PDE1C: variants seen among roughly 807,000 people sequenced by gnomAD.
PDE1C encodes the protein dual specificity calcium/calmodulin-dependent 3',5'-cyclic nucleotide phosphodiesterase 1C.
In PDE1C, 62 loss-of-function variants were observed where a neutral mutation model predicts 93.1. That is an observed-to-expected ratio of 0.67 (90% confidence interval 0.54 to 0.82). The LOEUF is 0.82. Among genes scored for constraint, PDE1C ranks in the 40% least tolerant of loss-of-function variants. The pLI is 0.00. For missense variants in PDE1C, 742 were observed against 884.6 expected (o/e 0.84, Z 2.04); for synonymous variants, 325 against 310.1 (o/e 1.05, Z -0.50).
chr7:31,942,118 A>G (rs1805936737), intron 2 of PDE1C, among the ~76,000 whole-genome samples: 1 of 152,202 alleles, frequency 6.6e-6, no homozygotes, highest in African/African-American at 2.4e-5. Context: ...CTCTAAAGAC[A>G]GTCACTAAAT....
chr7:32,404,077 G>T (rs1479677528), intron 1 of PDE1C, among the ~76,000 whole-genome samples: 2 of 152,160 alleles, frequency 1.3e-5, no homozygotes, highest in African/African-American at 4.8e-5. Context: ...GAAGTGAACT[G>T]CTGGGTCTGA....
chr7:32,267,843 T>C (rs562402661), intron 1 of PDE1C, among the ~76,000 whole-genome samples: 1 of 152,280 alleles, frequency 6.6e-6, no homozygotes, highest in African/African-American at 2.4e-5. Context: ...CCATGGAGCA[T>C]ACAGGCACTT....
the PDE1C span, among the ~76,000 whole-genome samples, chr7:31,671,953 G>A: frequency 6.6e-6 from 1 of 152,168 alleles, no homozygotes; most frequent in East Asian, 1.9e-4. Context: ...TGATGGAAAT[G>A]TCCCTTCTGG....
intron 3 of PDE1C, among the ~76,000 whole-genome samples, chr7:32,153,594 C>T (rs575404127): frequency 1.3e-5 from 2 of 152,288 alleles, no homozygotes; most frequent in East Asian, 1.9e-4. Flanking sequence ...TGGTCCCACC[C>T]AGCGAGGCTG....
At chr7:31,730,666 A>G in the PDE1C span, among the ~76,000 whole-genome samples, 1 of 152,198 alleles carries the variant, frequency 6.6e-6, no homozygotes, top group Non-Finnish European at 1.5e-5. Flanking sequence ...GCAGATATAG[A>G]GGTTGAGTCG....
At chr7:32,195,426 T>A (rs992967071) in intron 2 of PDE1C, among the ~76,000 whole-genome samples, 1 of 152,246 alleles carries the variant, frequency 6.6e-6, no homozygotes, top group Non-Finnish European at 1.5e-5. Flanking sequence ...TTCTACCCTT[T>A]TAGCACTTGA....
At chr7:31,970,699 A>T (rs952835757) in intron 2 of PDE1C, among the ~76,000 whole-genome samples, 2 of 152,250 alleles carry the variant, frequency 1.3e-5, no homozygotes, top group Admixed American at 1.3e-4. Flanking sequence ...CAACATGTAG[A>T]TCAAACTGAT....
chr7:31,944,568 T>C (rs992093527), intron 2 of PDE1C, among the ~76,000 whole-genome samples: 2 of 152,194 alleles, frequency 1.3e-5, no homozygotes, highest in East Asian at 3.9e-4. Flanking sequence ...GGGTGTTCTG[T>C]TCCCACATGG....
chr7:31,791,127 A>G (rs1784553734), intron 16 of PDE1C, among the ~76,000 whole-genome samples: 1 of 152,158 alleles, frequency 6.6e-6, no homozygotes, highest in Non-Finnish European at 1.5e-5. Flanking sequence ...TTAAAGACTA[A>G]GATACTCTCC....
At chr7:32,290,117 G>C (rs1812241991) in intron 1 of PDE1C, among the ~76,000 whole-genome samples, 1 of 152,102 alleles carries the variant, frequency 6.6e-6, no homozygotes, top group Non-Finnish European at 1.5e-5. Flanking sequence ...ACACACTCCA[G>C]TGCCTGTCTG....
At chr7:31,679,223 A>C in the PDE1C span, among the ~76,000 whole-genome samples, 1 of 152,050 alleles carries the variant, frequency 6.6e-6, no homozygotes, top group African/African-American at 2.4e-5. Context: ...GAAAGCCAAA[A>C]CTCTGCACAG....
chr7:31,745,264 T>G, the PDE1C span, among the ~76,000 whole-genome samples: 1 of 152,198 alleles, frequency 6.6e-6, no homozygotes, highest in Non-Finnish European at 1.5e-5. Flanking sequence ...AAGTGGGAGA[T>G]GAAGAGTGGT....
At chr7:32,224,709 C>T (rs1325783931) in intron 1 of PDE1C, among the ~76,000 whole-genome samples, 1 of 152,188 alleles carries the variant, frequency 6.6e-6, no homozygotes, top group Non-Finnish European at 1.5e-5. Context: ...TCTCAATAAA[C>T]ATCTACTGCA....
At chr7:32,426,352 C>A (rs531952717) in intron 1 of PDE1C, among the ~76,000 whole-genome samples, 1 of 151,300 alleles carries the variant, frequency 6.6e-6, no homozygotes, top group African/African-American at 2.4e-5. Context: ...CAGCTCACTG[C>A]AGCCTCGACC....
At chr7:31,989,017 AAGAGAGAG>A (rs1247058419) in intron 2 of PDE1C, among the ~76,000 whole-genome samples, 1 of 147,466 alleles carries the variant, frequency 6.8e-6, no homozygotes, top group South Asian at 2.1e-4. Context: ...AAAAAAAAAA[AAGAGAGAG>A]AGAGAAAGAG....
intron 1 of PDE1C, among the ~76,000 whole-genome samples, chr7:32,215,322 TC>T (rs1436851549): frequency 6.6e-6 from 1 of 151,874 alleles, no homozygotes; most frequent in Admixed American, 6.6e-5. Flanking sequence ...CTGAAACCAT[TC>T]CCCCCAACAC....
At chr7:32,205,741 C>G (rs1805409690) in intron 2 of PDE1C, among the ~76,000 whole-genome samples, 2 of 152,188 alleles carry the variant, frequency 1.3e-5, no homozygotes, top group Admixed American at 6.5e-5. Context: ...TGCAGTTTCA[C>G]TCCTGAAGCC....
chr7:31,658,546 C>T, the PDE1C span: 41 of 462,234 alleles, frequency 8.9e-5, no homozygotes, highest in African/African-American at 6.3e-4. Flanking sequence ...GGGTTGCATA[C>T]GTAATTTCAA....
At chr7:31,646,214 G>A in the PDE1C span, among the ~76,000 whole-genome samples, 1 of 152,152 alleles carries the variant, frequency 6.6e-6, no homozygotes, top group Non-Finnish European at 1.5e-5. Context: ...TTCTAGACCT[G>A]TTTAATCCAT....
Sources: allele counts gnomAD v4.1 joint callset (sites outside exome capture counted in the v4.1 genomes callset), GRCh38; gene constraint gnomAD v4.1.1; transcripts MANE v1.5; gene names NCBI Gene and HGNC (gene_info 2026-07-23, HGNC 2026-07-21).